Variants in CLASP1 observed in about 807,000 individuals in gnomAD.
CLASP1 encodes cytoplasmic linker associated protein 1.
CLASP1 carries 38 observed loss-of-function variants against 192.3 expected under a neutral mutation model. The observed-to-expected ratio is 0.20, with a 90% CI of 0.15 to 0.26. The LOEUF is 0.26. CLASP1 is among the 10% of genes least tolerant of loss of function. CLASP1 has a pLI of 1.00. For synonymous variants in CLASP1, 691 were observed against 712.8 expected, an observed-to-expected ratio of 0.97 and a Z score of 0.49; for missense variants, 1,433 against 1,932.5, an observed-to-expected ratio of 0.74 and a Z score of 4.85.
At chr2:121,391,277 T>A (rs773023062) in intron 30 of CLASP1, among the ~76,000 whole-genome samples, 8 of 152,170 alleles carry the variant, frequency 5.3e-5, no homozygotes, top group Admixed American at 1.3e-4. Flanking sequence ...CAAGTTTCCT[T>A]CTCCAGGACC....
chr2:121,426,240 C>A (rs973374766), intron 21 of CLASP1, among the ~76,000 whole-genome samples: 1 of 151,980 alleles, frequency 6.6e-6, no homozygotes, highest in South Asian at 2.1e-4. Context: ...CAATACACCA[C>A]AAACAAAAAC....
chr2:121,504,227 C>T (rs541342232), intron 7 of CLASP1, among the ~76,000 whole-genome samples: 5 of 135,216 alleles, frequency 3.7e-5, no homozygotes, highest in East Asian at 4.1e-4. Flanking sequence ...AGCGAAACTC[C>T]GTCTCAAAAA....
At chr2:121,397,083 T>A in intron 30 of CLASP1, 57 bp downstream of exon 31, 2 of 1,578,366 alleles carry the variant, frequency 1.3e-6, no homozygotes, top group Non-Finnish European at 1.7e-6. Flanking sequence ...TAAATACATT[T>A]CTCTAACACA....
intron 2 of CLASP1, among the ~76,000 whole-genome samples, chr2:121,552,623 C>T (rs945395276): frequency 6.6e-6 from 1 of 152,136 alleles, no homozygotes; most frequent in African/African-American, 2.4e-5. Flanking sequence ...TAGAGAAATG[C>T]AAATCAAAAC....
At chr2:121,519,491 AG>A (rs1183934335) in intron 6 of CLASP1, among the ~76,000 whole-genome samples, 4 of 152,232 alleles carry the variant, frequency 2.6e-5, no homozygotes, top group Non-Finnish European at 4.4e-5. Context: ...TACCCTTTCA[AG>A]AAAAGTTAAA....
intron 7 of CLASP1, among the ~76,000 whole-genome samples, chr2:121,508,354 T>C (rs550241990): frequency 6.6e-6 from 1 of 152,220 alleles, no homozygotes; most frequent in South Asian, 2.1e-4. Flanking sequence ...CTGCGAATAA[T>C]TCCCCCCAAA....
At chr2:121,389,281 G>A (rs2073919293) in intron 30 of CLASP1, among the ~76,000 whole-genome samples, 1 of 151,764 alleles carries the variant, frequency 6.6e-6, no homozygotes, top group African/African-American at 2.4e-5. Context: ...TATGACATGG[G>A]CAAAAAGCAT....
chr2:121,444,220 T>TA (rs1473096867), intron 19 of CLASP1, among the ~76,000 whole-genome samples: 9 of 152,126 alleles, frequency 5.9e-5, no homozygotes, highest in Admixed American at 5.2e-4. Context: ...GAGAATGGCA[T>TA]AAAAAACAAA....
chr2:121,427,448 A>C lies in CLASP1; in HGVS notation c.2018-18T>G, dbSNP rs759541075. On this transcript the variant is annotated intron_variant, in intron 20 of 39. Coordinates refer to ENST00000263710, the Ensembl canonical transcript of CLASP1. ...TCTGGATCCTTGATTATGAGAGCAGACCAAAGGACAGGCAAAAAGTGGATT... is the reference window on the plus strand; with the variant it reads ...TCTGGATCCTTGATTATGAGAGCAGCCCAAAGGACAGGCAAAAAGTGGATT... The C allele has an allele frequency of 3.0e-5, 49 of 1,612,590 alleles. No homozygotes were observed. The highest frequency in any genetic ancestry group is 1.4e-5 in the Non-Finnish European group (17 of 1,179,524).
intron 33 of CLASP1, among the ~76,000 whole-genome samples, chr2:121,380,310 G>A (rs2071329950): frequency 6.6e-6 from 1 of 152,140 alleles, no homozygotes; most frequent in African/African-American, 2.4e-5. Flanking sequence ...TCTGCCATCT[G>A]CCCCACAGCC....
intron 34 of CLASP1, 128 bp from the exon 36 acceptor site, chr2:121,367,959 C>T: frequency 8.4e-7 from 1 of 1,185,570 alleles, no homozygotes; most frequent in South Asian, 1.5e-5. Context: ...AAAAGGACAG[C>T]TACTAGTACT....
At chr2:121,435,049 G>A (rs2082072469) in intron 19 of CLASP1, among the ~76,000 whole-genome samples, 1 of 148,850 alleles carries the variant, frequency 6.7e-6, no homozygotes, top group Admixed American at 6.7e-5. Flanking sequence ...GGCTGGGCGT[G>A]GTGGCTCTCC....
At chr2:121,520,445 C>T (rs1372279226) in intron 6 of CLASP1, among the ~76,000 whole-genome samples, 5 of 152,238 alleles carry the variant, frequency 3.3e-5, no homozygotes, top group Non-Finnish European at 5.9e-5. Flanking sequence ...GAGCCCACCC[C>T]TGGCTCCCAG....
intron 1 of CLASP1, among the ~76,000 whole-genome samples, chr2:121,640,136 C>T (rs1167093963): frequency 6.6e-6 from 1 of 151,576 alleles, no homozygotes; most frequent in African/African-American, 2.4e-5. Context: ...AACCAAACAC[C>T]ACATGTTCTC....
intron 1 of CLASP1, among the ~76,000 whole-genome samples, chr2:121,625,426 C>CT (rs1559804182): frequency 6.2e-5 from 8 of 128,274 alleles, no homozygotes; most frequent in East Asian, 4.6e-4. Flanking sequence ...TTCTTTCTTT[C>CT]ATTTTTTTTT....
intron 8 of CLASP1, among the ~76,000 whole-genome samples, chr2:121,488,433 T>C (rs566242828): frequency 6.6e-6 from 1 of 152,222 alleles, no homozygotes; most frequent in Non-Finnish European, 1.5e-5. Context: ...ACAGCCATGC[T>C]GCCAGTCCCA....
intron 2 of CLASP1, among the ~76,000 whole-genome samples, chr2:121,550,119 G>T (rs1246950647): frequency 6.6e-6 from 1 of 151,520 alleles, no homozygotes; most frequent in Non-Finnish European, 1.5e-5. Flanking sequence ...ACAATTACAT[G>T]TAAATTATAC....
chr2:121,369,876 C>G lies in CLASP1; in HGVS notation c.3643-2045G>C, dbSNP rs148023090. 1.1e-3 allele frequency among the ~76,000 whole-genome samples: 171 copies of G among 151,892 alleles called. 1 individual carries two copies. In the East Asian group the frequency reaches 0.018, roughly 16 times the overall value. On this transcript the variant is annotated intron_variant, in intron 34 of 39. Transcript: ENST00000263710. Reference sequence around the variant, plus strand: ...GAGTTCTTTCTTTAGTGTAGATTAACCATACTGGGTAAAGAATATGCAAAT... The same window carrying G: ...GAGTTCTTTCTTTAGTGTAGATTAAGCATACTGGGTAAAGAATATGCAAAT...
intron 7 of CLASP1, among the ~76,000 whole-genome samples, chr2:121,507,203 G>C (rs530264661): frequency 6.6e-6 from 1 of 152,230 alleles, no homozygotes; most frequent in East Asian, 1.9e-4. Context: ...TAAAGTGTAA[G>C]AACAATGTCT....
Sources: gnomAD v4.1 joint callset for allele counts (sites outside exome capture counted in the v4.1 genomes callset) on GRCh38, gnomAD v4.1.1 for gene constraint, MANE v1.5 for transcripts, NCBI Gene and HGNC (gene_info 2026-07-23, HGNC 2026-07-21) for gene names.